ST14: variants seen among roughly 807,000 people sequenced by gnomAD.
ST14 encodes suppressor of tumorigenicity 14 protein.
ST14 carries 40 observed loss-of-function variants against 96.5 expected under a neutral mutation model. The observed-to-expected ratio is 0.41, with a 90% CI of 0.32 to 0.54. ST14 has a LOEUF of 0.54. ST14 is among the 20% of genes least tolerant of loss of function. The pLI is 0.17. For synonymous variants in ST14, 506 were observed against 492.1 expected, an observed-to-expected ratio of 1.03 and a Z score of -0.37; for missense variants, 1,066 against 1,188.9, an observed-to-expected ratio of 0.90 and a Z score of 1.52.
Position 130,196,468 on chromosome 11 carries a change from G to A in ST14, c.1223+20G>A, listed in dbSNP as rs775271036. The A allele has an allele frequency of 2.5e-6, 4 of 1,598,338 alleles. No homozygotes were observed. Among genetic ancestry groups the A allele is most frequent in the Non-Finnish European group, 3.4e-6 (4 of 1,171,140 alleles). On this transcript the variant is annotated intron_variant, in intron 10 of 18. Coordinates refer to ENST00000278742, the MANE Select transcript of ST14 (RefSeq NM_021978.4). ...GGAGAAGTGAGTCCCCGGGGGTATGGGGGCTGCCGGGCCCATGCTGCAGGG... is the reference window on the plus strand; with the variant it reads ...GGAGAAGTGAGTCCCCGGGGGTATGAGGGCTGCCGGGCCCATGCTGCAGGG...
At chr11:130,193,524 C>T (rs796569072) in intron 7 of ST14, among the ~76,000 whole-genome samples, 14 of 149,604 alleles carry the variant, frequency 9.4e-5, no homozygotes, top group African/African-American at 3.0e-4. Context: ...GGCTGGAGTG[C>T]GGTGGTGCGA....
At chr11:130,197,514 C>A (rs1341363558) in intron 11 of ST14, among the ~76,000 whole-genome samples, 1 of 152,214 alleles carries the variant, frequency 6.6e-6, no homozygotes, top group African/African-American at 2.4e-5. Flanking sequence ...GGCAGCCCAG[C>A]ACACAGGGCA....
Position 130,190,492 on chromosome 11 carries a change from C to A in ST14, c.673C>A (p.Leu225Met), listed in dbSNP as rs1463923164. ...TGGCCTGCACGCCCGCGGTGTGGAG[C>A]TGATGCGCTTCACCACGCCCGGCTT... ...SFGLHARGVE[L>M]MRFTTPGFPD... Residue 225 changes from leucine (L) to methionine (M), a missense_variant, in exon 7 of 19, where the codon CTG (leucine) becomes ATG (methionine). Physicochemically the swap from Leu to Met is conservative, Grantham distance 15 (BLOSUM62 2). Transcript: ENST00000278742. 1 of 1,608,556 alleles carries A rather than the reference C, an allele frequency of 6.2e-7. No homozygotes were observed. The highest frequency in any genetic ancestry group is 2.2e-5 in the East Asian group (1 of 44,878).
At chr11:130,169,297 G>T (rs1332581849) in intron 1 of ST14, among the ~76,000 whole-genome samples, 1 of 152,140 alleles carries the variant, frequency 6.6e-6, no homozygotes, top group African/African-American at 2.4e-5. Context: ...GTTTCGCCAT[G>T]TTGGCCAGAC....
intron 7 of ST14, among the ~76,000 whole-genome samples, chr11:130,192,530 A>G (rs1337290134): frequency 1.3e-5 from 2 of 152,206 alleles, no homozygotes; most frequent in African/African-American, 2.4e-5. Context: ...CTGGGATTAC[A>G]GGCATGCGCC....
At chr11:130,197,156 A>G (rs1359127642) in intron 11 of ST14, among the ~76,000 whole-genome samples, 1 of 152,242 alleles carries the variant, frequency 6.6e-6, no homozygotes, top group Non-Finnish European at 1.5e-5. Flanking sequence ...ACCCTGCGTC[A>G]TAGAATAACC....
chr11:130,169,720 A>C (rs981680403), intron 1 of ST14, among the ~76,000 whole-genome samples: 4 of 152,222 alleles, frequency 2.6e-5, no homozygotes, highest in Admixed American at 2.0e-4. Flanking sequence ...CAAGGATCTC[A>C]GTATGATTTC....
chr11:130,196,827 C>G, intron 11 of ST14, 127 bp downstream of exon 11: 1 of 1,431,512 alleles, frequency 7.0e-7, no homozygotes, highest in Non-Finnish European at 9.7e-7. Context: ...CATCTCACCC[C>G]TCCCGTAGCT....
intron 1 of ST14, among the ~76,000 whole-genome samples, chr11:130,180,897 C>A (rs1953185968): frequency 6.6e-6 from 1 of 152,166 alleles, no homozygotes; most frequent in Non-Finnish European, 1.5e-5. Flanking sequence ...TCTAGTGTGC[C>A]TCAGACAATG....
intron 1 of ST14, among the ~76,000 whole-genome samples, chr11:130,165,169 T>A (rs1047524816): frequency 6.6e-6 from 1 of 152,226 alleles, no homozygotes; most frequent in African/African-American, 2.4e-5. Context: ...CCCTGTCATA[T>A]CCTATGTGGG....
Position 130,188,765 on chromosome 11 carries a change from T to A in ST14, c.370-104T>A. ...TGCTCCCAGGGCCCTGGGATGGGGG[T>A]GATCTGCAAAGGGGACCCGGGCCCT... On this transcript the variant is annotated intron_variant, in intron 3 of 18. Coordinates refer to ENST00000278742, the MANE Select transcript of ST14 (RefSeq NM_021978.4). This position sits in a 1 kb window ranked among gnomAD's most constrained non-coding sequence, Gnocchi z 5.4. The A allele has an allele frequency of 6.2e-7, 1 of 1,604,942 alleles. No homozygotes were observed. The highest frequency in any genetic ancestry group is 8.5e-7 in the Non-Finnish European group (1 of 1,173,472).
intron 1 of ST14, among the ~76,000 whole-genome samples, chr11:130,160,305 C>T (rs1421572663): frequency 2.0e-5 from 3 of 152,230 alleles, no homozygotes; most frequent in Admixed American, 6.5e-5. Context: ...CCTGCGCCCT[C>T]GGTCCTTTCT....
intron 7 of ST14, among the ~76,000 whole-genome samples, chr11:130,191,215 G>T (rs767767824): frequency 6.6e-6 from 1 of 152,074 alleles, no homozygotes; most frequent in Non-Finnish European, 1.5e-5. Context: ...GTGTGGTGGC[G>T]CATGCCTACT....
At chr11:130,209,122 T>G (rs1953519423) in intron 17 of ST14, among the ~76,000 whole-genome samples, 1 of 152,162 alleles carries the variant, frequency 6.6e-6, no homozygotes, top group Non-Finnish European at 1.5e-5. Context: ...CGAACAGGAC[T>G]TACAGCTCCA....
chr11:130,190,535 C>T lies in ST14; in HGVS notation c.716C>T (p.Pro239Leu). ...TTPGFPDSPY[P>L]AHARCQWALR... ...CCCGGCTTCCCTGACAGCCCCTACC[C>T]CGCTCATGCCCGCTGCCAGTGGGCC... Residue 239 changes from proline to leucine, a missense_variant, in exon 7 of 19, where the codon CCC (proline) becomes CTC (leucine). By Grantham distance (98) the Pro-to-Leu change is moderately conservative. Transcript: ENST00000278742. The T allele has an allele frequency of 6.2e-7, 1 of 1,611,374 alleles. No individual in the cohort carries two copies. Among genetic ancestry groups the T allele is most frequent in the South Asian group, 1.1e-5 (1 of 91,056 alleles).
At chr11:130,183,823 G>A (rs1196744398) in intron 1 of ST14, among the ~76,000 whole-genome samples, 2 of 152,174 alleles carry the variant, frequency 1.3e-5, no homozygotes, top group African/African-American at 4.8e-5. Context: ...TACAAAGACA[G>A]CTACGGGAGT....
chr11:130,182,891 C>T (rs1303823384), intron 1 of ST14, among the ~76,000 whole-genome samples: 3 of 151,254 alleles, frequency 2.0e-5, no homozygotes, highest in African/African-American at 4.9e-5. Flanking sequence ...CCTAGGTGAT[C>T]CACCCACCTT....
chr11:130,198,302 C>T lies in ST14; in HGVS notation c.1460-6C>T, dbSNP rs762516664. Reference sequence around the variant, plus strand: ...TCACGGCCGACCTCCCCTTACCCCACTCCAGGTTGCGACGCCGGCCACCAG... The same window carrying T: ...TCACGGCCGACCTCCCCTTACCCCATTCCAGGTTGCGACGCCGGCCACCAG... On this transcript the variant is annotated splice_polypyrimidine_tract_variant and splice_region_variant and intron_variant, in intron 12 of 18. Transcript: ENST00000278742. 6.2e-6 allele frequency: 10 copies of T among 1,613,940 alleles called. No individual in the cohort carries two copies. The highest frequency in any genetic ancestry group is 7.6e-6 in the Non-Finnish European group (9 of 1,179,830).
rs1186570802 is a variant in ST14, at chr11:130,198,593, CG to C, written c.1659del (p.Ser554ProfsTer9). 2 of 1,613,844 alleles carry C rather than the reference CG, an allele frequency of 1.2e-6. No individual in the cohort carries two copies. The highest frequency in any genetic ancestry group is 1.7e-6 in the Non-Finnish European group (2 of 1,180,010). On this transcript the variant is annotated frameshift_variant, in exon 14 of 19. Transcript: ENST00000278742. LOFTEE classifies it high-confidence loss of function. Reference protein sequence around the residue: ...QCNGKDDCGDGSDEASCPKVN... With the variant: ...QCNGKDDCGDXSDEASCPKVN... ...GCAATGGGAAGGACGACTGTGGGGA[CG>C]GGTCCGACGAGGCCTCCTGCCCCAA...
Sources: allele counts gnomAD v4.1 joint callset (sites outside exome capture counted in the v4.1 genomes callset), GRCh38; gene constraint gnomAD v4.1.1; non-coding constraint Gnocchi (gnomAD v3.1); transcripts MANE v1.5; gene names NCBI Gene and HGNC (gene_info 2026-07-23, HGNC 2026-07-21).